Variants in PTPRD observed in about 807,000 individuals in gnomAD.
PTPRD encodes the protein protein tyrosine phosphatase receptor type D, also known as receptor-type tyrosine-protein phosphatase delta.
In PTPRD, 34 loss-of-function variants were observed where a neutral mutation model predicts 214.5. The observed-to-expected ratio is 0.16, with a 90% CI of 0.12 to 0.21. PTPRD has a LOEUF of 0.21. Ranked by LOEUF, PTPRD falls within the 10% of genes least tolerant of loss-of-function variation. PTPRD has a pLI of 1.00. For missense variants in PTPRD, 2,545 were observed against 2,398.7 expected (o/e 1.06, Z -1.27); for synonymous variants, 1,128 against 845.7 (o/e 1.33, Z -5.79).
chr9:8,584,219 C>T (rs1313836165), intron 14 of PTPRD, among the ~76,000 whole-genome samples: 1 of 151,998 alleles, frequency 6.6e-6, no homozygotes, highest in Non-Finnish European at 1.5e-5. Context: ...ACTAGTACCT[C>T]CATAGCAAAT....
intron 2 of PTPRD, among the ~76,000 whole-genome samples, chr9:10,584,758 T>C (rs2073352403): frequency 6.6e-6 from 1 of 152,170 alleles, no homozygotes; most frequent in South Asian, 2.1e-4. Context: ...CGATGTACAG[T>C]TGGTGTGCAG....
chr9:8,334,984 A>G (rs1845167267), intron 43 of PTPRD, among the ~76,000 whole-genome samples: 2 of 151,688 alleles, frequency 1.3e-5, no homozygotes, highest in Non-Finnish European at 2.9e-5. Flanking sequence ...CTCTGCATAG[A>G]CCAATAACAA....
At chr9:9,827,641 G>A (rs900203090) in intron 5 of PTPRD, among the ~76,000 whole-genome samples, 2 of 152,076 alleles carry the variant, frequency 1.3e-5, no homozygotes, top group African/African-American at 4.8e-5. Context: ...GGCAACAAAA[G>A]CCAAAACTGA....
intron 14 of PTPRD, among the ~76,000 whole-genome samples, chr9:8,566,025 G>A (rs1015555545): frequency 2.6e-5 from 4 of 151,374 alleles, no homozygotes; most frequent in African/African-American, 9.7e-5. Flanking sequence ...CAGGTAAGCT[G>A]GTATAGAACA....
At chr9:10,173,020 C>T (rs4740444) in intron 3 of PTPRD, among the ~76,000 whole-genome samples, 8,087 of 152,134 alleles carry the variant, frequency 0.053, 302 homozygotes, top group Admixed American at 0.1. Flanking sequence ...AAAAGTGAAG[C>T]CATTGATTGG....
chr9:9,265,331 A>T lies in PTPRD; in HGVS notation c.-202-81968T>A, dbSNP rs371304276. Among the ~76,000 whole-genome samples, 3 of 151,660 alleles carry T rather than the reference A, an allele frequency of 2.0e-5. No homozygotes were observed. In the East Asian group the frequency reaches 5.9e-4, roughly 30 times the overall value. ...GGCCAGACTGCAGTGGCATAATCAT[A>T]GTTCACTGCAGCCTTGAACTCCTGG... is the stretch of plus-strand genomic sequence containing the variant. On this transcript the variant is annotated intron_variant, in intron 9 of 45. Coordinates refer to ENST00000381196, the MANE Select transcript of PTPRD (RefSeq NM_002839.4).
chr9:9,384,115 C>CTT (rs551878195), intron 9 of PTPRD, among the ~76,000 whole-genome samples: 2 of 147,456 alleles, frequency 1.4e-5, no homozygotes, highest in African/African-American at 5.0e-5. Context: ...TTTTCACATA[C>CTT]TTTTTTTTTT....
intron 9 of PTPRD, among the ~76,000 whole-genome samples, chr9:9,253,856 T>A (rs1391815465): frequency 2.0e-5 from 3 of 152,080 alleles, no homozygotes; most frequent in Admixed American, 6.6e-5. Context: ...AGGCCAGAAG[T>A]CTGAAATCAA....
chr9:9,310,242 G>A (rs991758128), intron 9 of PTPRD, among the ~76,000 whole-genome samples: 1 of 152,104 alleles, frequency 6.6e-6, no homozygotes, highest in African/African-American at 2.4e-5. Context: ...GGGATTTAAT[G>A]AAGAAGCATA....
At chr9:9,188,430 A>C (rs2099933022) in intron 9 of PTPRD, among the ~76,000 whole-genome samples, 1 of 152,096 alleles carries the variant, frequency 6.6e-6, no homozygotes, top group South Asian at 2.1e-4. Context: ...TTCAATAGAT[A>C]ATGCCAAACT....
chr9:8,341,792 T>G lies in PTPRD; in HGVS notation c.4848A>C (p.Gly1616=). ...HDALLEAVTC[G]NTEVPARNLY... ...AGTTTCTAGCTGGCACTTCGGTATTTCCACAAGTCACTGCTTCTAACAGTG... is the reference window on the plus strand; with the variant it reads ...AGTTTCTAGCTGGCACTTCGGTATTGCCACAAGTCACTGCTTCTAACAGTG... Residue 1616 remains glycine (G), a synonymous_variant, in exon 40 of 46, where the codon GGA becomes GGC. Transcript: ENST00000381196. 1.9e-6 allele frequency: 3 copies of G among 1,613,658 alleles called. No individual in the cohort carries two copies. The highest frequency in any genetic ancestry group is 2.2e-5 in the South Asian group (2 of 91,068).
chr9:8,326,219 C>T (rs1230436806), intron 44 of PTPRD, among the ~76,000 whole-genome samples: 1 of 152,150 alleles, frequency 6.6e-6, no homozygotes, highest in Non-Finnish European at 1.5e-5. Context: ...TCATAAATAG[C>T]TCTTCTTCTT....
intron 5 of PTPRD, among the ~76,000 whole-genome samples, chr9:9,824,151 CA>C (rs1472288505): frequency 6.0e-5 from 9 of 150,886 alleles, no homozygotes; most frequent in African/African-American, 2.0e-4. Context: ...GGACCCTTAG[CA>C]AAGGTATCTC....
intron 10 of PTPRD, among the ~76,000 whole-genome samples, chr9:9,056,851 G>A (rs1238667849): frequency 1.3e-5 from 2 of 152,044 alleles, no homozygotes. Context: ...ACACATTTCT[G>A]GTATGCATAT....
intron 10 of PTPRD, among the ~76,000 whole-genome samples, chr9:9,068,144 G>C (rs1024902666): frequency 6.6e-6 from 1 of 151,362 alleles, no homozygotes; most frequent in Non-Finnish European, 1.5e-5. Context: ...TAATTTTCTC[G>C]AGATTCATCC....
At chr9:9,067,292 C>T (rs1359714381) in intron 10 of PTPRD, among the ~76,000 whole-genome samples, 2 of 152,170 alleles carry the variant, frequency 1.3e-5, no homozygotes, top group Non-Finnish European at 2.9e-5. Flanking sequence ...GAATTTTCAA[C>T]TGTATTTTTG....
intron 9 of PTPRD, among the ~76,000 whole-genome samples, chr9:9,381,673 TTTG>T (rs2062292668): frequency 8.9e-6 from 1 of 111,920 alleles, no homozygotes; most frequent in Admixed American, 9.9e-5. Context: ...GTAAAAAGTG[TTTG>T]TTTTTTTTTG....
intron 2 of PTPRD, among the ~76,000 whole-genome samples, chr9:10,483,665 GA>G (rs368253773): frequency 6.6e-5 from 10 of 151,766 alleles, no homozygotes; most frequent in East Asian, 1.9e-4. Context: ...ACAAACATAT[GA>G]AAAAAAAGCA....
intron 6 of PTPRD, among the ~76,000 whole-genome samples, chr9:9,736,020 G>A (rs982635876): frequency 1.3e-5 from 2 of 152,088 alleles, no homozygotes; most frequent in Non-Finnish European, 2.9e-5. Flanking sequence ...CTGGGTAAGT[G>A]TATATGTATA....
Sources: gnomAD v4.1 joint callset for allele counts (sites outside exome capture counted in the v4.1 genomes callset) on GRCh38, gnomAD v4.1.1 for gene constraint, MANE v1.5 for transcripts, NCBI Gene and HGNC (gene_info 2026-07-23, HGNC 2026-07-21) for gene names.